FKBP8: variants seen among roughly 807,000 people sequenced by gnomAD.
FKBP8 encodes FKBP prolyl isomerase 8.
Under a neutral mutation model 41.7 loss-of-function variants are expected in FKBP8, and 5 were observed. That is an observed-to-expected ratio of 0.12 (90% confidence interval 0.06 to 0.25). FKBP8 has a LOEUF of 0.25. Ranked by LOEUF, FKBP8 falls within the 10% of genes least tolerant of loss-of-function variation. FKBP8 has a pLI of 1.00. For missense variants in FKBP8, 397 were observed against 563.0 expected (o/e 0.71, Z 2.98); for synonymous variants, 279 against 254.5 (o/e 1.10, Z -0.92).
At position 18,537,896 on chromosome 19, in the gene FKBP8, G is replaced by C. The variant is rs1976615776; in HGVS notation, c.773-123C>G. The C allele has an allele frequency of 9.4e-7, 1 of 1,069,518 alleles. No individual in the cohort carries two copies. Among genetic ancestry groups the C allele is most frequent in the Admixed American group, 2.6e-5 (1 of 38,852 alleles). 66.3% of individuals were successfully genotyped at this position (1,069,518 alleles called of 1,614,324 possible). A position where few individuals can be genotyped will look rare whatever the true frequency, so the allele number is the denominator to read the frequency against. ...CCCCAATTTTAACCCCGGACCAAGG[G>C]CCACGCTTTCCTGGGGCTCTCCTGA... is the stretch of plus-strand genomic sequence containing the variant. On this transcript the variant is annotated intron_variant, in intron 5 of 8. Transcript: ENST00000608443. This position sits in a 1 kb window ranked among gnomAD's most constrained non-coding sequence, Gnocchi z 4.4.
chr19:18,532,987 G>C, intron 7 of FKBP8, 192 bp from the exon 8 acceptor site: 2 of 925,048 alleles, frequency 2.2e-6, no homozygotes, highest in South Asian at 1.8e-5. Context: ...TGATGGCGCA[G>C]AGCACAAGGT....
intron 2 of FKBP8, among the ~76,000 whole-genome samples, chr19:18,540,531 T>C (rs1441425270): frequency 1.3e-5 from 2 of 152,068 alleles, no homozygotes; most frequent in African/African-American, 4.8e-5. Flanking sequence ...GTTAGGAGTT[T>C]GAGACCAGCC....
chr19:18,537,540 T>G lies in FKBP8; in HGVS notation c.945+61A>C. 6.8e-7 allele frequency: 1 copy of G among 1,475,466 alleles called. No individual in the cohort carries two copies. The highest frequency in any genetic ancestry group is 1.3e-5 in the South Asian group (1 of 74,702). The allele number at this position is 1,475,466 out of a possible 1,614,324, so 91.4% of individuals were successfully genotyped here. A position where few individuals can be genotyped will look rare whatever the true frequency, so the allele number is the denominator to read the frequency against. ...CCTATGCCTTTCTCAAATGCAGGGT[T>G]GGGGACCACCCCGTATACCCCAGGC... is the stretch of plus-strand genomic sequence containing the variant. On this transcript the variant is annotated intron_variant, in intron 6 of 8. Transcript: ENST00000608443. This position sits in a 1 kb window ranked among gnomAD's most constrained non-coding sequence, Gnocchi z 4.4.
chr19:18,541,622 G>A, intron 2 of FKBP8, 57 bp downstream of exon 2: 2 of 1,548,724 alleles, frequency 1.3e-6, no homozygotes, highest in East Asian at 4.5e-5. Context: ...GGGAAATGAG[G>A]CTCAGGGGAC....
chr19:18,532,600 A>G, intron 8 of FKBP8, 64 bp downstream of exon 8: 1 of 1,584,972 alleles, frequency 6.3e-7, no homozygotes, highest in South Asian at 1.1e-5. Flanking sequence ...ATGTATGCAA[A>G]ATAAAATCCC....
In FKBP8 at chr19:18,541,831, T is replaced by C. The variant is rs1233902961; in HGVS notation, c.140A>G (p.Asp47Gly). 1 of 1,612,924 alleles carries C rather than the reference T, an allele frequency of 6.2e-7. No individual in the cohort carries two copies. Among genetic ancestry groups the C allele is most frequent in the Non-Finnish European group, 8.5e-7 (1 of 1,179,402 alleles). ...EEEEEEEEEE[D>G]DLSELPPLED... The stretch of plus-strand genomic sequence containing the variant: ...CAGCGGTGGCAGCTCACTCAGGTCA[T>C]CCTCTTCCTCCTCTTCCTCCTCCTC... The change falls in exon 2 of 9, where the codon GAT (aspartate) becomes GGT (glycine). Residue 47 changes from aspartate (D) to glycine (G), a missense_variant. By Grantham distance (94) the Asp-to-Gly change is moderately conservative. This residue lies in a region of FKBP8 where 172 missense variants were observed against 196.2 expected (regional missense o/e 0.88). Coordinates refer to ENST00000608443, the MANE Select transcript of FKBP8 (RefSeq NM_012181.5).
rs977729007 is a variant in FKBP8 at position 18,534,481 on chromosome 19, T to C, written c.946-1134A>G. Among the ~76,000 whole-genome samples the C allele has an allele frequency of 1.2e-4, 18 of 152,110 alleles. No individual in the cohort carries two copies. The South Asian group carries it at 1.9e-3, about 16-fold the overall frequency. ...TTGGTCCCCGCAACATGCTCCTCCTTCCTGTCTCAGCTGCAGATCTAGGCA... is the reference window on the plus strand; with the variant it reads ...TTGGTCCCCGCAACATGCTCCTCCTCCCTGTCTCAGCTGCAGATCTAGGCA... On this transcript the variant is annotated intron_variant, in intron 6 of 8. Transcript: ENST00000608443.
intron 1 of FKBP8, chr19:18,542,906 C>T: frequency 7.8e-7 from 1 of 1,281,922 alleles, no homozygotes; most frequent in Non-Finnish European, 1.0e-6. Context: ...TCCTCCCGGG[C>T]TCGGAGCCCC....
Position 18,538,329 on chromosome 19 carries a change from G to A in FKBP8, c.659C>T (p.Ala220Val), listed in dbSNP as rs1236381009. Residue 220 changes from alanine to valine, a missense_variant, in exon 5 of 9, where the codon GCC (alanine) becomes GTC (valine). Transcript: ENST00000608443. This position sits in a 1 kb window ranked among gnomAD's most constrained non-coding sequence, Gnocchi z 4.0. ...LEMLTGQERV[A>V]LANRKRECGN... is the part of the protein sequence containing the mutation. ...GCACTCCCGCTTCCGGTTGGCCAGG[G>A]CCACGCGCTCCTGCCCCGTGAGCAT... 2 of 1,613,588 alleles carry A rather than the reference G, an allele frequency of 1.2e-6. No homozygotes were observed. Among genetic ancestry groups the A allele is most frequent in the South Asian group, 2.2e-5 (2 of 91,072 alleles).
rs1600526869 is a variant in FKBP8, at chr19:18,532,566, A to G, written c.1155+98T>C. On this transcript the variant is annotated intron_variant, in intron 8 of 8. Coordinates refer to ENST00000608443, the MANE Select transcript of FKBP8 (RefSeq NM_012181.5). ...CTCCACGTCCCCTGCATCGCCCAGGACGGCCCAGTCTCCGAGGACATCCAT... is the reference window on the plus strand; with the variant it reads ...CTCCACGTCCCCTGCATCGCCCAGGGCGGCCCAGTCTCCGAGGACATCCAT... 5 of 1,529,878 alleles carry G rather than the reference A, an allele frequency of 3.3e-6. No individual in the cohort carries two copies. In the East Asian group the frequency reaches 6.8e-5, roughly 21 times the overall value. 94.8% of individuals were successfully genotyped at this position (1,529,878 alleles called of 1,614,324 possible). A position where few individuals can be genotyped will look rare whatever the true frequency, so the allele number is the denominator to read the frequency against.
At chr19:18,533,204 C>G in intron 7 of FKBP8, 66 bp downstream of exon 7, 1 of 1,421,084 alleles carries the variant, frequency 7.0e-7, no homozygotes, top group Non-Finnish European at 9.5e-7. Context: ...GCAAGAAAGA[C>G]CTGGGGCAGA....
chr19:18,532,835 A>G (rs1161452429), intron 7 of FKBP8, 40 bp from the exon 8 acceptor site: 1 of 1,607,170 alleles, frequency 6.2e-7, no homozygotes, highest in Non-Finnish European at 8.5e-7. Flanking sequence ...GCAGCGGCCA[A>G]CCTGTCATCA....
rs193185573 is a variant in FKBP8 at position 18,538,623 on chromosome 19, C to T, written c.552-187G>A. Among the ~76,000 whole-genome samples the T allele has an allele frequency of 3.4e-4, 52 of 152,196 alleles. No homozygotes were observed. The highest frequency in any genetic ancestry group is 1.2e-3 in the African/African-American group (49 of 41,542). The stretch of plus-strand genomic sequence containing the variant: ...CCTTGGAGCTGCGGGACTTGACGAA[C>T]GAGTTCCCCTCCCTAAGCCTCGGTT... On this transcript the variant is annotated intron_variant, in intron 4 of 8. Transcript: ENST00000608443. The surrounding 1 kb of genome is among the most constrained non-coding windows in gnomAD (Gnocchi z 4.0).
In FKBP8 at chr19:18,533,366, G is replaced by T; in HGVS notation, c.946-19C>A. 1 of 1,590,868 alleles carries T rather than the reference G, an allele frequency of 6.3e-7. No individual in the cohort carries two copies. The highest frequency in any genetic ancestry group is 8.6e-7 in the Non-Finnish European group (1 of 1,167,282). Reference sequence around the variant, plus strand: ...CCAGCACCTGTAAGGGGAAGGGGGTGGCATCACTCTGGACCCATACCTGGG... The same window carrying T: ...CCAGCACCTGTAAGGGGAAGGGGGTTGCATCACTCTGGACCCATACCTGGG... On this transcript the variant is annotated intron_variant, in intron 6 of 8. Coordinates refer to ENST00000608443, the MANE Select transcript of FKBP8 (RefSeq NM_012181.5).
Position 18,531,910 on chromosome 19 carries a change from GGCGGAGACCTAGCCCA to G in FKBP8, c.*243_*258del. On this transcript the variant is annotated 3_prime_UTR_variant, in exon 9 of 9. Coordinates refer to ENST00000608443, the MANE Select transcript of FKBP8 (RefSeq NM_012181.5). ...TTGAGGAGAAACTGAGGCCAGCCCT[GGCGGAGACCTAGCCCA>G]GCGGGGTAAGGAGGGTGGGGGAAAA... is the stretch of plus-strand genomic sequence containing the variant. The G allele has an allele frequency of 4.0e-6, 2 of 503,966 alleles. No homozygotes were observed. The highest frequency in any genetic ancestry group is 4.7e-5 in the South Asian group (2 of 42,550). The allele number at this position is 503,966 out of a possible 1,614,324, so 31.2% of individuals were successfully genotyped here. A position where few individuals can be genotyped will look rare whatever the true frequency, so the allele number is the denominator to read the frequency against.
chr19:18,542,963 C>T, intron 1 of FKBP8: 1 of 1,211,558 alleles, frequency 8.3e-7, no homozygotes, highest in Non-Finnish European at 1.1e-6. Flanking sequence ...TCCCCGCGCC[C>T]GCACAATTCG....
rs368924907 is a variant in FKBP8, at chr19:18,539,662, C to G, written c.351G>C (p.Pro117=). ...LVPGPPGSSR[P]VKGQVVTVHL... The stretch of plus-strand genomic sequence containing the variant: ...GTACGGTGACCACCTGGCCCTTGAC[C>G]GGGCGGCTCGAACCTGGCGGCCCTG... Residue 117 remains proline (P), a synonymous_variant, in exon 3 of 9, where the codon CCG becomes CCC. Coordinates refer to ENST00000608443, the MANE Select transcript of FKBP8 (RefSeq NM_012181.5). 3.1e-6 allele frequency: 5 copies of G among 1,611,630 alleles called. No homozygotes were observed. Among genetic ancestry groups the G allele is most frequent in the Admixed American group, 1.7e-5 (1 of 60,006 alleles).
intron 2 of FKBP8, 148 bp downstream of exon 2, chr19:18,541,531 A>G (rs955461319): frequency 1.8e-6 from 2 of 1,114,604 alleles, no homozygotes; most frequent in South Asian, 3.3e-5. Flanking sequence ...GAGTACATCA[A>G]TGTGAAGCAT....
At chr19:18,539,985 G>GT (rs1002198343) in intron 2 of FKBP8, among the ~76,000 whole-genome samples, 2 of 151,772 alleles carry the variant, frequency 1.3e-5, no homozygotes, top group Non-Finnish European at 2.9e-5. Context: ...GGTTGGTCTG[G>GT]TTTTTTTGTT....
Sources: gnomAD v4.1 joint callset for allele counts (sites outside exome capture counted in the v4.1 genomes callset) on GRCh38, gnomAD v4.1.1 for gene constraint, gnomAD v4.1.1 regional missense constraint, Gnocchi (gnomAD v3.1) non-coding constraint, MANE v1.5 for transcripts, NCBI Gene and HGNC (gene_info 2026-07-23, HGNC 2026-07-21) for gene names.